Variants in UNC5D observed in about 807,000 individuals in gnomAD.
UNC5D encodes unc-5 netrin receptor D, also known as netrin receptor UNC5D.
In UNC5D, 39 loss-of-function variants were observed where a neutral mutation model predicts 105.4. The observed-to-expected ratio is 0.37, with a 90% CI of 0.29 to 0.48. The LOEUF (loss-of-function observed/expected upper bound fraction) is 0.48, where lower values mean the gene tolerates loss of function less well. Among genes scored for constraint, UNC5D ranks in the 20% least tolerant of loss-of-function variants. The probability of loss-of-function intolerance (pLI) is 0.98; values close to 1 mark genes in which losing one functional copy is unlikely to be tolerated. For missense variants in UNC5D, 991 were observed against 1,202.4 expected, an observed-to-expected ratio of 0.82 and a Z score of 2.60; for synonymous variants, 452 against 450.4, an observed-to-expected ratio of 1.00 and a Z score of -0.04.
intron 1 of UNC5D, among the ~76,000 whole-genome samples, chr8:35,487,594 C>CACACACACACACACA (rs1554542234): frequency 6.4e-4 from 94 of 146,752 alleles, no homozygotes; most frequent in African/African-American, 2.3e-3. Context: ...CACACACACA[C>CACACACACACACACA]CCCACAGACT....
intron 4 of UNC5D, among the ~76,000 whole-genome samples, chr8:35,596,182 G>C (rs1341325339): frequency 6.6e-6 from 1 of 152,164 alleles, no homozygotes; most frequent in Non-Finnish European, 1.5e-5. Flanking sequence ...GAAGCCACAG[G>C]CCTCTGATCT....
chr8:35,573,381 C>A (rs2130808300), intron 3 of UNC5D, among the ~76,000 whole-genome samples: 1 of 152,072 alleles, frequency 6.6e-6, no homozygotes, highest in Non-Finnish European at 1.5e-5. Context: ...AGTTTTGGGG[C>A]TGTTGTCTGC....
At chr8:35,545,647 A>G (rs568157304) in intron 1 of UNC5D, among the ~76,000 whole-genome samples, 1 of 152,134 alleles carries the variant, frequency 6.6e-6, no homozygotes, top group African/African-American at 2.4e-5. Flanking sequence ...TCGCTATACA[A>G]AGCCAAAAAA....
Position 35,244,855 on chromosome 8 carries a change from T to C in UNC5D, c.103+8968T>C, listed in dbSNP as rs145275928. ...GCCAGACTCTCTTCTCTGCACATTT[T>C]TTTTTTTAAAGTTAGCTGGACGTGG... On this transcript the variant is annotated intron_variant, in intron 1 of 16. Transcript: ENST00000404895. Among the ~76,000 whole-genome samples, 406 of 151,986 alleles carry C rather than the reference T, an allele frequency of 2.7e-3. 2 individuals are homozygous for C. The highest frequency in any genetic ancestry group is 9.5e-3 in the African/African-American group (394 of 41,456).
chr8:35,757,447 C>T (rs1187759879), intron 13 of UNC5D, among the ~76,000 whole-genome samples: 1 of 152,056 alleles, frequency 6.6e-6, no homozygotes, highest in Non-Finnish European at 1.5e-5. Context: ...TGGCCAGCTC[C>T]TCCATTTATT....
chr8:35,452,063 G>A (rs950257922), intron 1 of UNC5D, among the ~76,000 whole-genome samples: 2 of 152,050 alleles, frequency 1.3e-5, no homozygotes, highest in African/African-American at 4.8e-5. Context: ...TATGAATAAG[G>A]CAGTACCATA....
chr8:35,525,307 C>T (rs1211751462), intron 1 of UNC5D: 1 of 1,612,206 alleles, frequency 6.2e-7, no homozygotes, highest in Middle Eastern at 2.3e-4. Flanking sequence ...CCCTCTTTGC[C>T]TTTACAGTTT....
At chr8:35,583,906 G>T (rs934441255) in intron 3 of UNC5D, among the ~76,000 whole-genome samples, 10 of 152,096 alleles carry the variant, frequency 6.6e-5, no homozygotes, top group African/African-American at 2.2e-4. Context: ...CTACAGGCAT[G>T]GTTTCCTTAT....
chr8:35,402,456 T>A (rs1804530880), intron 1 of UNC5D, among the ~76,000 whole-genome samples: 1 of 152,102 alleles, frequency 6.6e-6, no homozygotes, highest in South Asian at 2.1e-4. Context: ...CACCTGTGAT[T>A]GAATTATCTC....
At chr8:35,298,975 C>G (rs1394340975) in intron 1 of UNC5D, among the ~76,000 whole-genome samples, 1 of 152,072 alleles carries the variant, frequency 6.6e-6, no homozygotes, top group Admixed American at 6.6e-5. Context: ...GGTACACCTG[C>G]AGTACTGGAG....
intron 4 of UNC5D, among the ~76,000 whole-genome samples, chr8:35,675,898 G>A (rs1445085516): frequency 6.6e-6 from 1 of 151,532 alleles, no homozygotes; most frequent in African/African-American, 2.4e-5. Context: ...TTAGGTGTAA[G>A]GTTTATGTAT....
intron 4 of UNC5D, among the ~76,000 whole-genome samples, chr8:35,652,479 TTC>T (rs1356399443): frequency 6.6e-6 from 1 of 152,166 alleles, no homozygotes; most frequent in East Asian, 1.9e-4. Flanking sequence ...TATAGGGAAC[TTC>T]TGTTAGGTCA....
Position 35,235,901 on chromosome 8 carries a change from G to A in UNC5D, c.103+14G>A, listed in dbSNP as rs987074637. 100 of 1,207,924 alleles carry A rather than the reference G, an allele frequency of 8.3e-5. No individual in the cohort carries two copies. Among genetic ancestry groups the A allele is most frequent in the Admixed American group, 4.2e-4 (9 of 21,208 alleles). 74.8% of individuals were successfully genotyped at this position (1,207,924 alleles called of 1,614,324 possible). A position where few individuals can be genotyped will look rare whatever the true frequency, so the allele number is the denominator to read the frequency against. On this transcript the variant is annotated intron_variant, in intron 1 of 16. Coordinates refer to ENST00000404895, the MANE Select transcript of UNC5D (RefSeq NM_080872.4). ...CGGCTGCCCGAGGTAAGCGCTGGGC[G>A]GAGCGGGCAGCTGGGGGCGAGGGCG...
rs1818902946 is a variant in UNC5D at position 35,587,988 on chromosome 8, A to ATATATC, written c.467-7561_467-7560insCTATAT. Among the ~76,000 whole-genome samples the ATATATC allele has an allele frequency of 2.8e-5, 4 of 142,858 alleles. No individual in the cohort carries two copies. The South Asian group carries it at 8.9e-4, about 32-fold the overall frequency. 93.7% of individuals were successfully genotyped at this position (142,858 alleles called of 152,430 possible). On this transcript the variant is annotated intron_variant, in intron 3 of 16. Transcript: ENST00000404895. ...ATAATATATATATATATATATATATATATATACTAATCCCACACCAGTTGC... is the reference window on the plus strand; with the variant it reads ...ATAATATATATATATATATATATATATATATCTATATACTAATCCCACACCAGTTGC...
chr8:35,487,899 A>G (rs998853165), intron 1 of UNC5D, among the ~76,000 whole-genome samples: 1 of 152,130 alleles, frequency 6.6e-6, no homozygotes, highest in African/African-American at 2.4e-5. Flanking sequence ...GACTTGATTG[A>G]CTTGTTTTCT....
chr8:35,449,391 A>T (rs1192252437), intron 1 of UNC5D, among the ~76,000 whole-genome samples: 1 of 152,094 alleles, frequency 6.6e-6, no homozygotes, highest in Non-Finnish European at 1.5e-5. Flanking sequence ...TGACTCAATG[A>T]AGATGTCAGC....
At chr8:35,540,444 G>GGTGTGT (rs11467586) in intron 1 of UNC5D, among the ~76,000 whole-genome samples, 4,064 of 142,772 alleles carry the variant, frequency 0.028, 69 homozygotes, top group African/African-American at 0.049. Flanking sequence ...AAAGCAGAGG[G>GGTGTGT]GTGTGTGTGT....
chr8:35,697,990 C>T (rs971312257), intron 7 of UNC5D, among the ~76,000 whole-genome samples: 4 of 152,110 alleles, frequency 2.6e-5, no homozygotes, highest in African/African-American at 7.2e-5. Flanking sequence ...CTCTCCAAAC[C>T]TCCCTACCTC....
At chr8:35,307,879 G>A (rs528207101) in intron 1 of UNC5D, among the ~76,000 whole-genome samples, 23 of 152,172 alleles carry the variant, frequency 1.5e-4, no homozygotes, top group African/African-American at 4.3e-4. Flanking sequence ...CTGTTGGGGG[G>A]AAACTTCTGA....
Sources: allele counts gnomAD v4.1 joint callset (sites outside exome capture counted in the v4.1 genomes callset), GRCh38; gene constraint gnomAD v4.1.1; transcripts MANE v1.5; gene names NCBI Gene and HGNC (gene_info 2026-07-23, HGNC 2026-07-21).